AHDC1: variants seen among roughly 807,000 people sequenced by gnomAD.
AHDC1 encodes AT-hook DNA binding motif containing 1.
In AHDC1, 7 loss-of-function variants were observed where a neutral mutation model predicts 87.9. The observed-to-expected ratio is 0.08, with a 90% confidence interval of 0.05 to 0.15. The LOEUF is 0.15. AHDC1 is among the 10% of genes least tolerant of loss of function. The pLI is 1.00. For missense variants in AHDC1, 1,841 were observed against 2,253.2 expected, an observed-to-expected ratio of 0.82 and a Z score of 3.70; for synonymous variants, 1,051 against 1,006.8, an observed-to-expected ratio of 1.04 and a Z score of -0.83.
chr1:27,599,638 C>A (rs917926318), intron 3 of AHDC1, among the ~76,000 whole-genome samples: 2 of 152,222 alleles, frequency 1.3e-5, no homozygotes, highest in African/African-American at 4.8e-5. Flanking sequence ...GGGCGTCCAA[C>A]TGGATGATGC....
At chr1:27,589,225 G>A (rs1268968306) in intron 3 of AHDC1, among the ~76,000 whole-genome samples, 2 of 152,154 alleles carry the variant, frequency 1.3e-5, no homozygotes, top group African/African-American at 4.8e-5. Flanking sequence ...CGAGGACGAG[G>A]CCCAGATGTG....
In AHDC1 at chr1:27,551,926, G is replaced by C. The variant is rs1201206748; in HGVS notation, c.190C>G (p.Pro64Ala). ...CGGGTGCTGGGGTCCCGGCGTGGGG[G>C]TGGGCGTGGGTTCTCGGAGAAGGCG... ...THAFSENPRP[P>A]PRRDPSTRRP... The change falls in exon 8 of 9, where the codon CCC becomes GCC. Residue 64 changes from proline to alanine, a missense_variant. Physicochemically the swap from Pro to Ala is conservative, Grantham distance 27. Transcript: ENST00000673934. 6.4e-7 allele frequency: 1 copy of C among 1,572,904 alleles called. No individual in the cohort carries two copies. The highest frequency in any genetic ancestry group is 2.3e-5 in the East Asian group (1 of 44,346).
At chr1:27,538,215 A>C (rs1476366655) in intron 8 of AHDC1, among the ~76,000 whole-genome samples, 1 of 151,866 alleles carries the variant, frequency 6.6e-6, no homozygotes, top group Admixed American at 6.6e-5. Flanking sequence ...CAGTCTGGCC[A>C]ACATGGAGAA....
chr1:27,547,506 C>A lies in AHDC1; in HGVS notation c.4610G>T (p.Gly1537Val). 6.2e-7 allele frequency: 1 copy of A among 1,608,422 alleles called. No homozygotes were observed. The highest frequency in any genetic ancestry group is 1.7e-5 in the Admixed American group (1 of 59,812). ...GTCACTAAGGAGTGGGCAGCCATAG[C>A]CAGCAGCGGCTGCAGCAGGGCCACG... ...PPRGPAAAAAGYGCPLLSDLT... is the reference protein window; with the variant it reads ...PPRGPAAAAAVYGCPLLSDLT... Residue 1537 changes from glycine (G) to valine (V), a missense_variant, in exon 8 of 9, where the codon GGC (glycine) becomes GTC (valine). Around this residue, in one of 13 missense-constraint regions of AHDC1, gnomAD observed 505 missense variants for 626.2 expected, o/e 0.81. Transcript: ENST00000673934. The surrounding 1 kb of genome is among the most constrained non-coding windows in gnomAD (Gnocchi z 4.9).
At chr1:27,585,361 T>C (rs1432960254) in intron 3 of AHDC1, among the ~76,000 whole-genome samples, 1 of 152,058 alleles carries the variant, frequency 6.6e-6, no homozygotes, top group Non-Finnish European at 1.5e-5. Context: ...CTGTGTGACC[T>C]TGGGCAAGTC....
intron 3 of AHDC1, among the ~76,000 whole-genome samples, chr1:27,587,495 A>C (rs2089093077): frequency 6.6e-6 from 1 of 152,014 alleles, no homozygotes; most frequent in African/African-American, 2.4e-5. Context: ...TCCCTGCCCA[A>C]ATTCTACCAG....
Position 27,551,183 on chromosome 1 carries a change from G to T in AHDC1, c.933C>A (p.Gly311=). Residue 311 remains glycine, a synonymous_variant, in exon 8 of 9, where the codon GGC becomes GGA. Coordinates refer to ENST00000673934, the MANE Select transcript of AHDC1 (RefSeq NM_001371928.1). ...GGGTGTCCAGGGCCTGGAGAGCCAGGCCCGGCAGCCCCAGAGGATCAGCAA... is the reference window on the plus strand; with the variant it reads ...GGGTGTCCAGGGCCTGGAGAGCCAGTCCCGGCAGCCCCAGAGGATCAGCAA... The part of the protein sequence containing the change: ...QPLADPLGLP[G]LALQALDTLP... The T allele has an allele frequency of 6.2e-7, 1 of 1,609,860 alleles. No homozygotes were observed. The highest frequency in any genetic ancestry group is 1.7e-4 in the Middle Eastern group (1 of 6,058).
rs2020167828 is a variant in AHDC1, at chr1:27,563,084, A to C, written c.-628-4201T>G. Among the ~76,000 whole-genome samples the C allele has an allele frequency of 1.3e-5, 2 of 152,160 alleles. No individual in the cohort carries two copies. The highest frequency in any genetic ancestry group is 2.9e-5 in the Non-Finnish European group (2 of 68,020). ...CAGGCACCCCCACACCCACTAATGCACAGAGAACCTGTTACACAGCTGACC... is the reference window on the plus strand; with the variant it reads ...CAGGCACCCCCACACCCACTAATGCCCAGAGAACCTGTTACACAGCTGACC... On this transcript the variant is annotated intron_variant, in intron 3 of 8. Transcript: ENST00000673934. The surrounding 1 kb of genome is among the most constrained non-coding windows in gnomAD (Gnocchi z 6.1).
At chr1:27,566,719 G>A (rs1025431313) in intron 3 of AHDC1, among the ~76,000 whole-genome samples, 4 of 146,770 alleles carry the variant, frequency 2.7e-5, no homozygotes, top group Non-Finnish European at 4.5e-5. Context: ...TGCCAGAACT[G>A]GGGGGGGACA....
chr1:27,537,723 C>T (rs1468817260), intron 8 of AHDC1, among the ~76,000 whole-genome samples: 1 of 152,208 alleles, frequency 6.6e-6, no homozygotes, highest in African/African-American at 2.4e-5. Flanking sequence ...CTGCAGACTT[C>T]ACCTTTTAGT....
intron 3 of AHDC1, among the ~76,000 whole-genome samples, chr1:27,594,170 T>C (rs2089302050): frequency 2.0e-5 from 3 of 152,282 alleles, no homozygotes; most frequent in Admixed American, 1.3e-4. Flanking sequence ...TTTAAAATCA[T>C]GCATCTAGTA....
chr1:27,540,987 G>A (rs1007459752), intron 8 of AHDC1, among the ~76,000 whole-genome samples: 1 of 129,686 alleles, frequency 7.7e-6, no homozygotes, highest in Non-Finnish European at 1.6e-5. Flanking sequence ...CAGACACTGT[G>A]CATCTAAAAA....
chr1:27,568,836 G>C (rs2020441756), intron 3 of AHDC1, among the ~76,000 whole-genome samples: 1 of 151,860 alleles, frequency 6.6e-6, no homozygotes, highest in Admixed American at 6.5e-5. Context: ...CCCCCAGAGA[G>C]CGCCCAGCCC....
chr1:27,545,642 C>T (rs1375972233), intron 8 of AHDC1, among the ~76,000 whole-genome samples: 1 of 151,998 alleles, frequency 6.6e-6, no homozygotes, highest in African/African-American at 2.4e-5. Flanking sequence ...TTCTCCCTGG[C>T]CTGCTTCAGA....
At chr1:27,553,720 T>C (rs1401502773) in intron 5 of AHDC1, among the ~76,000 whole-genome samples, 1 of 152,094 alleles carries the variant, frequency 6.6e-6, no homozygotes, top group Non-Finnish European at 1.5e-5. Flanking sequence ...CACCACTATA[T>C]GTATTTCCCA....
chr1:27,550,082 C>G lies in AHDC1; in HGVS notation c.2034G>C (p.Arg678=). The G allele has an allele frequency of 6.2e-7, 1 of 1,609,142 alleles. No individual in the cohort carries two copies. Among genetic ancestry groups the G allele is most frequent in the Non-Finnish European group, 8.5e-7 (1 of 1,178,064 alleles). The part of the protein sequence containing the change: ...RGGKAGGFGG[R]GGGHAAKSAR... ...CTGACTTGGCCGCATGGCCCCCACC[C>G]CGGCCACCAAAACCGCCTGCTTTGC... is the stretch of plus-strand genomic sequence containing the variant. The change falls in exon 8 of 9, where the codon CGG becomes CGC. Residue 678 remains arginine (R), a synonymous_variant. Transcript: ENST00000673934.
intron 3 of AHDC1, among the ~76,000 whole-genome samples, chr1:27,592,321 G>A (rs1386902441): frequency 6.6e-6 from 1 of 151,766 alleles, no homozygotes; most frequent in Non-Finnish European, 1.5e-5. Flanking sequence ...CCTCGCACCC[G>A]CACCACCTGT....
chr1:27,551,080 G>A lies in AHDC1; in HGVS notation c.1036C>T (p.Arg346Cys), dbSNP rs759345466. The A allele has an allele frequency of 9.0e-6, 14 of 1,562,770 alleles. 1 individual carries two copies. Among genetic ancestry groups the A allele is most frequent in the African/African-American group, 2.7e-5 (2 of 73,338 alleles). ...PLPKLLDVPG[R>C]RLEPQQPLGH... ...AGGGGCTGCTGGGGCTCCAGACGGC[G>A]ACCTGGGACGTCAAGCAGCTTGGGC... Residue 346 changes from arginine to cysteine, a missense_variant, in exon 8 of 9, where the codon CGC (arginine) becomes TGC (cysteine). Physicochemically the swap from Arg to Cys is radical, Grantham distance 180. Coordinates refer to ENST00000673934, the MANE Select transcript of AHDC1 (RefSeq NM_001371928.1).
At chr1:27,587,560 A>C (rs1369331034) in intron 3 of AHDC1, among the ~76,000 whole-genome samples, 1 of 151,972 alleles carries the variant, frequency 6.6e-6, no homozygotes, top group Non-Finnish European at 1.5e-5. Flanking sequence ...AATTTCCTTT[A>C]AGCTTCTGGG....
Sources: gnomAD v4.1 joint callset for allele counts (sites outside exome capture counted in the v4.1 genomes callset) on GRCh38, gnomAD v4.1.1 for gene constraint, gnomAD v4.1.1 regional missense constraint, Gnocchi (gnomAD v3.1) non-coding constraint, MANE v1.5 for transcripts, NCBI Gene and HGNC (gene_info 2026-07-23, HGNC 2026-07-21) for gene names.